Variants in PCDHA1 observed in about 807,000 individuals in gnomAD.
PCDHA1 encodes the protein protocadherin alpha-1.
A neutral mutation model predicts 61.3 loss-of-function variants in PCDHA1; 42 were observed. The observed-to-expected ratio is 0.69, with a 90% CI of 0.54 to 0.89. PCDHA1 has a LOEUF of 0.89. Ranked by LOEUF, PCDHA1 falls within the 40% of genes least tolerant of loss-of-function variation. PCDHA1 has a pLI of 0.00. For synonymous variants in PCDHA1, 610 were observed against 553.8 expected (o/e 1.10, Z -1.43); for missense variants, 1,256 against 1,235.3 (o/e 1.02, Z -0.25).
rs2150125438 is a variant in PCDHA1, at chr5:140,823,390, G to T, written c.2394+34706G>T. On this transcript the variant is annotated intron_variant, in intron 1 of 3. Transcript: ENST00000504120. The stretch of plus-strand genomic sequence containing the variant: ...GCAGTTCCAGGTGAGCGCGCGCGAC[G>T]CGGGCGTGCCGCCTCTGGGCAGCAA... 8 of 1,612,786 alleles carry T rather than the reference G, an allele frequency of 5.0e-6. No individual in the cohort carries two copies. The Admixed American group carries it at 1.2e-4, about 24-fold the overall frequency.
At position 140,852,208 on chromosome 5, in the gene PCDHA1, C is replaced by G. The variant is rs536842960; in HGVS notation, c.2394+63524C>G. On this transcript the variant is annotated intron_variant, in intron 1 of 3. Transcript: ENST00000504120. ...AAATGCCAGTAACGTTTATTTAAAA[C>G]AAAATATTTTAATTTTTAAATTTTC... 9.1e-6 allele frequency: 6 copies of G among 657,544 alleles called. No homozygotes were observed. In the African/African-American group the frequency reaches 1.2e-4, roughly 13 times the overall value. The allele number at this position is 657,544 out of a possible 1,614,324, so 40.7% of individuals were successfully genotyped here. A position where few individuals can be genotyped will look rare whatever the true frequency, so the allele number is the denominator to read the frequency against.
chr5:140,796,211 A>G, intron 1 of PCDHA1: 1 of 1,614,208 alleles, frequency 6.2e-7, no homozygotes, highest in South Asian at 1.1e-5. Flanking sequence ...CTGGACCGCG[A>G]GAGCGTGTCA....
chr5:140,904,911 G>A (rs2153487307), intron 1 of PCDHA1, among the ~76,000 whole-genome samples: 1 of 152,172 alleles, frequency 6.6e-6, no homozygotes, highest in African/African-American at 2.4e-5. Flanking sequence ...TTACTGATTT[G>A]TTTGACTTCC....
At chr5:140,843,925 C>T in intron 1 of PCDHA1, 4 of 594,474 alleles carry the variant, frequency 6.7e-6, no homozygotes, top group Non-Finnish European at 8.8e-6. Context: ...TCTTGAAACT[C>T]AAGTTATGGT....
chr5:140,965,796 A>AT (rs1377584212), intron 1 of PCDHA1, among the ~76,000 whole-genome samples: 2 of 152,134 alleles, frequency 1.3e-5, no homozygotes, highest in Non-Finnish European at 2.9e-5. Flanking sequence ...CATGGAGACT[A>AT]TTTTTTTAAA....
At chr5:140,875,397 G>T in intron 1 of PCDHA1, 2 of 1,480,686 alleles carry the variant, frequency 1.4e-6, no homozygotes, top group South Asian at 1.4e-5. Flanking sequence ...AGAAAAGGGT[G>T]ACTGCTCATA....
intron 1 of PCDHA1, among the ~76,000 whole-genome samples, chr5:140,963,268 T>C (rs1329086504): frequency 6.6e-6 from 1 of 152,042 alleles, no homozygotes; most frequent in African/African-American, 2.4e-5. Flanking sequence ...GACTTTGAAA[T>C]GTATGTAAGA....
In PCDHA1 at chr5:140,823,957, G is replaced by A. The variant is rs191497891; in HGVS notation, c.2394+35273G>A. 71 of 1,614,042 alleles carry A rather than the reference G, an allele frequency of 4.4e-5. No individual in the cohort carries two copies. The highest frequency in any genetic ancestry group is 1.6e-4 in the Middle Eastern group (1 of 6,062). On this transcript the variant is annotated intron_variant, in intron 1 of 3. Coordinates refer to ENST00000504120, the MANE Select transcript of PCDHA1 (RefSeq NM_018900.4). ...GCTGCGGTGCTCGGCGCAGCCCACC[G>A]AGGCCGTGTGCACACGGGGCAAGCC...
intron 1 of PCDHA1, among the ~76,000 whole-genome samples, chr5:140,912,343 AT>A (rs35252606): frequency 0.42 from 59,775 of 143,548 alleles, 12,483 homozygotes; most frequent in African/African-American, 0.57. Context: ...TACACTAAGT[AT>A]TTTTTTTTTT....
chr5:140,880,614 GGGA>G (rs2058396473), intron 1 of PCDHA1, among the ~76,000 whole-genome samples: 1 of 152,182 alleles, frequency 6.6e-6, no homozygotes, highest in South Asian at 2.1e-4. Context: ...GTAAGCAAGA[GGGA>G]GGAGTTAATT....
intron 1 of PCDHA1, among the ~76,000 whole-genome samples, chr5:140,915,232 C>A (rs1554196813): frequency 1.3e-5 from 2 of 152,274 alleles, no homozygotes; most frequent in Admixed American, 6.5e-5. Flanking sequence ...CAGGCATGAG[C>A]CACCATGCCT....
At chr5:140,857,103 C>G in intron 1 of PCDHA1, 1 of 1,597,644 alleles carries the variant, frequency 6.3e-7, no homozygotes, top group Non-Finnish European at 8.6e-7. Flanking sequence ...GTGATTGTCA[C>G]TTCTCTGTCT....
At position 140,786,763 on chromosome 5, in the gene PCDHA1, C is replaced by A. The variant is rs116278913; in HGVS notation, c.473C>A (p.Ala158Asp). 1.5e-3 allele frequency: 2,438 copies of A among 1,614,232 alleles called. 5 individuals are homozygous for A. Among genetic ancestry groups the A allele is most frequent in the Non-Finnish European group, 1.9e-3 (2,219 of 1,180,040 alleles). The change falls in exon 1 of 4, where the codon GCT becomes GAT. Residue 158 changes from alanine to aspartate, a missense_variant. By Grantham distance (126) the Ala-to-Asp change is moderately radical. Coordinates refer to ENST00000504120, the MANE Select transcript of PCDHA1 (RefSeq NM_018900.4). The stretch of plus-strand genomic sequence containing the variant: ...TCGCGTTTTCCGATAGAAGGAGCTG[C>A]TGATGCAGACATTGGTGCTAACGCT... The part of the protein sequence containing the change: ...LNSRFPIEGA[A>D]DADIGANALL...
chr5:140,975,207 G>A (rs2096658071), intron 1 of PCDHA1, among the ~76,000 whole-genome samples: 1 of 152,180 alleles, frequency 6.6e-6, no homozygotes. Flanking sequence ...CTTCATGGCT[G>A]GCACTGGAGA....
chr5:140,788,726 A>G, intron 1 of PCDHA1, 42 bp downstream of exon 1: 3 of 1,502,250 alleles, frequency 2.0e-6, no homozygotes, highest in Non-Finnish European at 2.7e-6. Context: ...TATTTTTCAT[A>G]TTTAACTTGT....
intron 1 of PCDHA1, chr5:140,928,218 A>G: frequency 6.2e-7 from 1 of 1,614,190 alleles, no homozygotes; most frequent in East Asian, 2.2e-5. Flanking sequence ...ATGACAATAC[A>G]CCAAACTTTC....
chr5:140,968,363 G>A, intron 1 of PCDHA1: 1 of 1,614,090 alleles, frequency 6.2e-7, no homozygotes, highest in Non-Finnish European at 8.5e-7. Flanking sequence ...CAGCCTTTAT[G>A]CTGTCAACTC....
At chr5:140,898,864 A>C (rs1401711928) in intron 1 of PCDHA1, among the ~76,000 whole-genome samples, 3 of 149,656 alleles carry the variant, frequency 2.0e-5, no homozygotes, top group African/African-American at 7.5e-5. Flanking sequence ...CTTTTATTTC[A>C]TTGAGCAGTG....
intron 1 of PCDHA1, chr5:140,829,700 G>C (rs188962276): frequency 6.2e-7 from 1 of 1,613,364 alleles, no homozygotes; most frequent in Admixed American, 1.7e-5. Context: ...TCAGGTGAGC[G>C]CGCGCGACGC....
Sources: gnomAD v4.1 joint callset for allele counts (sites outside exome capture counted in the v4.1 genomes callset) on GRCh38, gnomAD v4.1.1 for gene constraint, MANE v1.5 for transcripts, NCBI Gene and HGNC (gene_info 2026-07-23, HGNC 2026-07-21) for gene names.